Variants in MCHR2 observed in about 807,000 individuals in gnomAD.
The protein encoded by MCHR2 is melanin-concentrating hormone receptor 2.
In MCHR2, 15 loss-of-function variants were observed where a neutral mutation model predicts 24.8. The ratio of observed to expected loss-of-function variants is 0.60; its 90% confidence interval spans 0.40 to 0.93. The LOEUF is 0.93. Among genes scored for constraint, MCHR2 ranks in the 40% least tolerant of loss-of-function variants. The pLI, the probability that MCHR2 is intolerant of heterozygous loss-of-function variation, is 0.00. For missense variants in MCHR2, 386 were observed against 408.7 expected (o/e 0.94, Z 0.48); for synonymous variants, 151 against 147.6 (o/e 1.02, Z -0.17).
chr6:99,972,312 T>G lies in MCHR2; in HGVS notation c.-27-16138A>C, dbSNP rs573426546. Among the ~76,000 whole-genome samples the G allele has an allele frequency of 6.4e-4, 98 of 152,254 alleles. No individual in the cohort carries two copies. The South Asian group carries it at 0.02, about 31-fold the overall frequency. On this transcript the variant is annotated intron_variant, in intron 1 of 5. Transcript: ENST00000281806. ...TGGGAGGGTGTATGTGTCGAGGAAT[T>G]TATCCATTTCTTCTAGATTTTCTAG...
intron 3 of MCHR2, among the ~76,000 whole-genome samples, chr6:99,946,726 A>T (rs142919659): frequency 1.3e-5 from 2 of 152,304 alleles, no homozygotes; most frequent in Admixed American, 6.5e-5. Context: ...ATATATTTGA[A>T]TCAAAGGAAA....
chr6:99,937,798 T>C (rs2114513069), intron 4 of MCHR2, among the ~76,000 whole-genome samples: 1 of 151,402 alleles, frequency 6.6e-6, no homozygotes, highest in Admixed American at 6.6e-5. Flanking sequence ...ATTATTTAAA[T>C]ATTTGGTAGA....
At chr6:99,955,104 C>A (rs1775033604) in intron 2 of MCHR2, among the ~76,000 whole-genome samples, 1 of 151,996 alleles carries the variant, frequency 6.6e-6, no homozygotes, top group South Asian at 2.1e-4. Flanking sequence ...TTGAAAATGG[C>A]AATTTTAAGT....
intron 5 of MCHR2, among the ~76,000 whole-genome samples, chr6:99,923,663 T>G (rs1376984432): frequency 6.6e-6 from 1 of 152,056 alleles, no homozygotes; most frequent in African/African-American, 2.4e-5. Context: ...TATATTGAAT[T>G]TAAATGATCA....
At chr6:99,973,680 T>A (rs1045234936) in intron 1 of MCHR2, among the ~76,000 whole-genome samples, 66 of 152,336 alleles carry the variant, frequency 4.3e-4, no homozygotes, top group Non-Finnish European at 8.4e-4. Flanking sequence ...TTTTGGCATG[T>A]TTTTGCAGTG....
chr6:99,934,551 A>G (rs1774616223), intron 4 of MCHR2, 34 bp from the exon 5 acceptor site: 4 of 1,520,942 alleles, frequency 2.6e-6, no homozygotes, highest in Middle Eastern at 1.8e-4. Context: ...AGAGAGAGAA[A>G]GAACAACACC....
chr6:99,951,443 T>C (rs775391325), intron 2 of MCHR2, among the ~76,000 whole-genome samples: 11 of 152,106 alleles, frequency 7.2e-5, no homozygotes, highest in Non-Finnish European at 1.3e-4. Context: ...CTTCCCTAGA[T>C]ACATAGAGTG....
Position 99,956,030 on chromosome 6 carries a change from T to C in MCHR2, c.118A>G (p.Met40Val), listed in dbSNP as rs1775052301. The change falls in exon 2 of 6, where the codon ATG becomes GTG. Residue 40 changes from methionine (M) to valine (V), a missense_variant. Physicochemically the swap from Met to Val is conservative, Grantham distance 21. Coordinates refer to ENST00000281806, the MANE Select transcript of MCHR2 (RefSeq NM_001040179.2). Reference protein sequence around the residue: ...SVVDTVILPSMIGIICSTGLV... With the variant: ...SVVDTVILPSVIGIICSTGLV... ...CCTGTTGAACAGATAATCCCAATCA[T>C]GGAAGGGAGGATGACTGTATCTACC... 4 of 1,613,142 alleles carry C rather than the reference T, an allele frequency of 2.5e-6. No individual in the cohort carries two copies. Among genetic ancestry groups the C allele is most frequent in the Admixed American group, 1.7e-5 (1 of 59,920 alleles).
intron 2 of MCHR2, among the ~76,000 whole-genome samples, chr6:99,949,401 G>T (rs1202803757): frequency 6.6e-6 from 1 of 152,126 alleles, no homozygotes; most frequent in African/African-American, 2.4e-5. Context: ...GGACAAATAA[G>T]AATTTAAAGA....
intron 5 of MCHR2, among the ~76,000 whole-genome samples, chr6:99,929,118 G>T (rs1041678507): frequency 7.2e-5 from 11 of 152,114 alleles, no homozygotes; most frequent in Non-Finnish European, 1.2e-4. Context: ...TCAGGAGCAG[G>T]TTGTTCAGTT....
chr6:99,989,115 A>AGATC (rs1775819894), intron 1 of MCHR2, among the ~76,000 whole-genome samples: 1 of 152,218 alleles, frequency 6.6e-6, no homozygotes, highest in African/African-American at 2.4e-5. Flanking sequence ...AGAGGGTCTA[A>AGATC]GATCATATGA....
At chr6:99,921,458 C>A (rs138099053) in intron 5 of MCHR2, among the ~76,000 whole-genome samples, 16 of 151,082 alleles carry the variant, frequency 1.1e-4, no homozygotes, top group African/African-American at 3.0e-4. Context: ...AAAGCTGGAA[C>A]TTTTTTTCGT....
intron 1 of MCHR2, among the ~76,000 whole-genome samples, chr6:99,964,229 T>G (rs554067876): frequency 2.3e-4 from 35 of 152,136 alleles, no homozygotes; most frequent in Non-Finnish European, 4.1e-4. Flanking sequence ...AATAGATACA[T>G]ATTGCTGTAT....
intron 2 of MCHR2, among the ~76,000 whole-genome samples, chr6:99,955,140 T>G (rs1247622228): frequency 6.6e-6 from 1 of 152,126 alleles, no homozygotes; most frequent in Admixed American, 6.5e-5. Flanking sequence ...GATGAAAAAT[T>G]TAACATCCTA....
At chr6:99,929,308 T>G in intron 5 of MCHR2, among the ~76,000 whole-genome samples, 1 of 151,586 alleles carries the variant, frequency 6.6e-6, no homozygotes, top group South Asian at 2.1e-4. Context: ...AAAAAATGTA[T>G]ATTCTGTTGA....
chr6:99,971,497 C>A (rs550962171), intron 1 of MCHR2, among the ~76,000 whole-genome samples: 55 of 152,308 alleles, frequency 3.6e-4, no homozygotes, highest in African/African-American at 1.2e-3. Flanking sequence ...ACAATCACGA[C>A]ATCTGCAAAC....
At chr6:99,960,208 T>C (rs1392210736) in intron 1 of MCHR2, among the ~76,000 whole-genome samples, 1 of 151,980 alleles carries the variant, frequency 6.6e-6, no homozygotes, top group African/African-American at 2.4e-5. Flanking sequence ...AGAAAAAAAC[T>C]GTCAACCAAG....
chr6:99,924,904 A>G (rs1232839611), intron 5 of MCHR2, among the ~76,000 whole-genome samples: 2 of 152,130 alleles, frequency 1.3e-5, no homozygotes, highest in Non-Finnish European at 2.9e-5. Flanking sequence ...CTGTAAATAT[A>G]TATTAGATCC....
At chr6:99,966,030 A>C (rs962874439) in intron 1 of MCHR2, among the ~76,000 whole-genome samples, 8 of 152,158 alleles carry the variant, frequency 5.3e-5, no homozygotes, top group Admixed American at 5.2e-4. Flanking sequence ...GACAACTCCC[A>C]GGCTAATGAA....
Sources: allele counts gnomAD v4.1 joint callset (sites outside exome capture counted in the v4.1 genomes callset), GRCh38; gene constraint gnomAD v4.1.1; transcripts MANE v1.5; gene names NCBI Gene and HGNC (gene_info 2026-07-23, HGNC 2026-07-21).